TENM2: variants seen among roughly 807,000 people sequenced by gnomAD.
The protein encoded by TENM2 is teneurin transmembrane protein 2, also known as teneurin-2.
Under a neutral mutation model 245.2 loss-of-function variants are expected in TENM2, and 52 were observed. That is an observed-to-expected ratio of 0.21 (90% confidence interval 0.17 to 0.27). The LOEUF is 0.27. Ranked by LOEUF, TENM2 falls within the 10% of genes least tolerant of loss-of-function variation. The pLI is 1.00. For synonymous variants in TENM2, 1,363 were observed against 1,438.9 expected, an observed-to-expected ratio of 0.95 and a Z score of 1.19; for missense variants, 3,046 against 3,666.8, an observed-to-expected ratio of 0.83 and a Z score of 4.37.
intron 1 of TENM2, among the ~76,000 whole-genome samples, chr5:167,316,929 A>T (rs2127763953): frequency 6.6e-6 from 1 of 152,250 alleles, no homozygotes; most frequent in East Asian, 1.9e-4. Context: ...TGCCAAAAAA[A>T]GAGCACACAG....
chr5:167,710,175 G>T (rs1467655714), intron 2 of TENM2, among the ~76,000 whole-genome samples: 3 of 152,130 alleles, frequency 2.0e-5, no homozygotes, highest in Non-Finnish European at 2.9e-5. Flanking sequence ...AACATATTCT[G>T]TTGGGTTCTG....
At chr5:167,480,581 T>C (rs1767694898) in intron 2 of TENM2, among the ~76,000 whole-genome samples, 1 of 152,232 alleles carries the variant, frequency 6.6e-6, no homozygotes, top group African/African-American at 2.4e-5. Flanking sequence ...CCTGGAAATC[T>C]GCATTTTGAC....
intron 2 of TENM2, among the ~76,000 whole-genome samples, chr5:167,675,925 GTTGC>G (rs1756293162): frequency 6.6e-6 from 1 of 151,968 alleles, no homozygotes; most frequent in South Asian, 2.1e-4. Context: ...CACTGCTCAG[GTTGC>G]TTGGGTAGTA....
At chr5:167,484,722 A>G (rs1767958580) in intron 2 of TENM2, among the ~76,000 whole-genome samples, 1 of 152,218 alleles carries the variant, frequency 6.6e-6, no homozygotes, top group Non-Finnish European at 1.5e-5. Flanking sequence ...TTGTTCCCAT[A>G]TACTGACATT....
At chr5:167,263,230 A>C in the TENM2 span, among the ~76,000 whole-genome samples, 1 of 152,192 alleles carries the variant, frequency 6.6e-6, no homozygotes, top group Non-Finnish European at 1.5e-5. Flanking sequence ...GTACTATGTT[A>C]ATGTTTTATG....
chr5:167,710,352 A>G (rs1028459392), intron 2 of TENM2, among the ~76,000 whole-genome samples: 6 of 152,288 alleles, frequency 3.9e-5, no homozygotes, highest in South Asian at 2.1e-4. Flanking sequence ...ATGGGGGAAA[A>G]AAACAACAAC....
intron 2 of TENM2, among the ~76,000 whole-genome samples, chr5:167,635,056 A>C (rs1334001108): frequency 6.6e-6 from 1 of 152,162 alleles, no homozygotes; most frequent in African/African-American, 2.4e-5. Flanking sequence ...CATTATCTAG[A>C]GCAGTGGTTC....
the TENM2 span, among the ~76,000 whole-genome samples, chr5:167,000,692 A>G: frequency 1.3e-5 from 2 of 152,330 alleles, no homozygotes; most frequent in South Asian, 4.1e-4. Flanking sequence ...CCATGTTTTT[A>G]CACATAGCGA....
chr5:167,849,623 A>T (rs534816631), intron 2 of TENM2, among the ~76,000 whole-genome samples: 3 of 152,124 alleles, frequency 2.0e-5, no homozygotes, highest in Admixed American at 6.5e-5. Flanking sequence ...TCAGATGTTA[A>T]TCACAAGTCC....
At chr5:167,528,395 ACTGC>A (rs1771262394) in intron 2 of TENM2, among the ~76,000 whole-genome samples, 1 of 152,216 alleles carries the variant, frequency 6.6e-6, no homozygotes, top group East Asian at 1.9e-4. Context: ...AAGCATGGGT[ACTGC>A]ATTCAGAATC....
At chr5:167,921,969 AT>A (rs1265012651) in intron 3 of TENM2, among the ~76,000 whole-genome samples, 2 of 152,130 alleles carry the variant, frequency 1.3e-5, no homozygotes, top group African/African-American at 4.8e-5. Flanking sequence ...CACTTATCTG[AT>A]TTCTTACACA....
At chr5:168,099,152 C>T (rs545831156) in intron 9 of TENM2, among the ~76,000 whole-genome samples, 103 of 152,100 alleles carry the variant, frequency 6.8e-4, no homozygotes, top group African/African-American at 2.0e-3. Context: ...TCAAGTCATC[C>T]GCCCACCTTA....
chr5:167,913,432 T>C (rs1173565849), intron 3 of TENM2, among the ~76,000 whole-genome samples: 6 of 152,256 alleles, frequency 3.9e-5, no homozygotes, highest in Admixed American at 2.0e-4. Context: ...ACGCTCTTTT[T>C]ATCCTTTTCT....
intron 2 of TENM2, among the ~76,000 whole-genome samples, chr5:167,503,517 CTTT>C (rs35774602): frequency 6.8e-6 from 1 of 146,598 alleles, no homozygotes. Flanking sequence ...TAATGTCTTC[CTTT>C]TTTTTTTTTG....
intron 12 of TENM2, chr5:168,139,641 G>A: frequency 2.2e-6 from 1 of 447,266 alleles, no homozygotes; most frequent in Non-Finnish European, 4.5e-6. Flanking sequence ...TTCAGGGAAG[G>A]GGAGGGAGGG....
rs1421819132 is a variant in TENM2 at position 167,375,206 on chromosome 5, T to A, written c.235T>A (p.Phe79Ile). 3 of 1,551,570 alleles carry A rather than the reference T, an allele frequency of 1.9e-6. No homozygotes were observed. Among genetic ancestry groups the A allele is most frequent in the African/African-American group, 1.4e-5 (1 of 73,144 alleles). Residue 79 changes from phenylalanine to isoleucine, a missense_variant, in exon 2 of 29, where the codon TTC becomes ATC. Coordinates refer to ENST00000518659, the Ensembl canonical transcript of TENM2. ...TGTCACTGTCACCCTAGGAACCAAC[T>A]TCACCCTTGCCGAACTGGGCATCTG...
intron 23 of TENM2, among the ~76,000 whole-genome samples, chr5:168,222,855 C>G (rs189759951): frequency 6.6e-6 from 1 of 152,286 alleles, no homozygotes; most frequent in East Asian, 1.9e-4. Flanking sequence ...AAGAATTTTG[C>G]TCCATTTTCT....
rs752440584 is a variant in TENM2 at position 168,199,019 on chromosome 5, G to A, written c.3067G>A (p.Gly1023Ser). 6.2e-6 allele frequency: 10 copies of A among 1,613,820 alleles called. No homozygotes were observed. The East Asian group carries it at 2.2e-4, about 36-fold the overall frequency. The change falls in exon 16 of 29, where the codon GGC becomes AGC. Residue 1023 changes from glycine to serine, a missense_variant. By Grantham distance (56) the Gly-to-Ser change is moderately conservative. Around this residue, in one of 2 missense-constraint regions of TENM2, gnomAD observed 2,704 missense variants for 3,331.9 expected, o/e 0.81. Transcript: ENST00000518659. ...CTCCATCCCCAGCTGTGACCTCAGT[G>A]GCTTTGTCCGGCCTGATCCAATCAT... is the stretch of plus-strand genomic sequence containing the variant.
the TENM2 span, among the ~76,000 whole-genome samples, chr5:167,066,903 T>G: frequency 9.8e-4 from 149 of 152,286 alleles, 2 homozygotes; most frequent in African/African-American, 3.5e-3. Flanking sequence ...AGTCCTCATA[T>G]GATTTAGTAC....
Sources: gnomAD v4.1 joint callset for allele counts (sites outside exome capture counted in the v4.1 genomes callset) on GRCh38, gnomAD v4.1.1 for gene constraint, gnomAD v4.1.1 regional missense constraint, MANE v1.5 for transcripts, NCBI Gene and HGNC (gene_info 2026-07-23, HGNC 2026-07-21) for gene names.